The following PIEZO2 variants were observed in gnomAD, a reference collection of about 807,000 sequenced individuals.
PIEZO2 encodes the protein piezo-type mechanosensitive ion channel component 2.
Under a neutral mutation model 337.3 loss-of-function variants are expected in PIEZO2, and 172 were observed. The observed-to-expected ratio is 0.51, with a 90% CI of 0.45 to 0.58. The LOEUF (loss-of-function observed/expected upper bound fraction) is 0.58, where lower values mean the gene tolerates loss of function less well. Among genes scored for constraint, PIEZO2 ranks in the 20% least tolerant of loss-of-function variants. The pLI is 0.00. For synonymous variants in PIEZO2, 1,251 were observed against 1,228.5 expected, an observed-to-expected ratio of 1.02 and a Z score of -0.38; for missense variants, 3,028 against 3,391.3, an observed-to-expected ratio of 0.89 and a Z score of 2.66.
chr18:11,135,050 A>G (rs2040444082), intron 1 of PIEZO2, among the ~76,000 whole-genome samples: 1 of 152,214 alleles, frequency 6.6e-6, no homozygotes, highest in East Asian at 1.9e-4. Flanking sequence ...AAAAAAAAAA[A>G]AAATTTTTTT....
At chr18:10,725,010 T>C in intron 36 of PIEZO2, 4 of 1,588,036 alleles carry the variant, frequency 2.5e-6, no homozygotes, top group Non-Finnish European at 3.5e-6. Flanking sequence ...ATGCAGGCCA[T>C]AGTGCCAGCA....
At chr18:11,113,092 T>A (rs2039782747) in intron 1 of PIEZO2, among the ~76,000 whole-genome samples, 1 of 152,196 alleles carries the variant, frequency 6.6e-6, no homozygotes, top group South Asian at 2.1e-4. Flanking sequence ...ACCTTTGGTA[T>A]AAAGGGGCAA....
intron 1 of PIEZO2, among the ~76,000 whole-genome samples, chr18:11,142,254 G>A (rs1026600031): frequency 6.6e-6 from 1 of 152,150 alleles, no homozygotes; most frequent in Non-Finnish European, 1.5e-5. Flanking sequence ...AAAGCTATAC[G>A]TTGCTGTTAA....
rs749400682 is a variant in PIEZO2, at chr18:10,671,492, A to T, written c.*35T>A. 1.1e-5 allele frequency: 17 copies of T among 1,572,992 alleles called. No individual in the cohort carries two copies. Among genetic ancestry groups the T allele is most frequent in the Non-Finnish European group, 1.3e-5 (15 of 1,160,728 alleles). On this transcript the variant is annotated 3_prime_UTR_variant, in exon 56 of 56. Coordinates refer to ENST00000674853, the MANE Select transcript of PIEZO2 (RefSeq NM_001378183.1). ...TATTGTGCTTTTAAAAAAAATTCAAATGTTAACATTATTTGCAGTCTGTGT... is the reference window on the plus strand; with the variant it reads ...TATTGTGCTTTTAAAAAAAATTCAATTGTTAACATTATTTGCAGTCTGTGT...
chr18:10,817,283 T>C (rs2040391236), intron 7 of PIEZO2, among the ~76,000 whole-genome samples: 1 of 152,232 alleles, frequency 6.6e-6, no homozygotes, highest in Admixed American at 6.5e-5. Context: ...TTTTAGGTAA[T>C]ATCAAATACG....
At chr18:10,944,490 T>C (rs1348671026) in intron 3 of PIEZO2, among the ~76,000 whole-genome samples, 9 of 27,548 alleles carry the variant, frequency 3.3e-4, no homozygotes, top group African/African-American at 1.5e-3. Context: ...CTTAGTAACA[T>C]ATATATATAT....
At position 10,803,882 on chromosome 18, in the gene PIEZO2, T is replaced by A. The variant is rs1475316034; in HGVS notation, c.1193A>T (p.Glu398Val). 1.3e-6 allele frequency: 2 copies of A among 1,536,928 alleles called. No individual in the cohort carries two copies. The highest frequency in any genetic ancestry group is 2.0e-5 in the Admixed American group (1 of 50,902). ...LWYATHYPTDERKLLSMTQDD... is the reference protein window; with the variant it reads ...LWYATHYPTDVRKLLSMTQDD... ...CCTTTCATCATGGCTTACTTTTCTC[T>A]CATCAGTGGGGTAATGGGTTGCGTA... The change falls in exon 9 of 56, where the codon GAG becomes GTG. Residue 398 changes from glutamate to valine, a missense_variant. By Grantham distance (121) the Glu-to-Val change is moderately radical. Coordinates refer to ENST00000674853, the MANE Select transcript of PIEZO2 (RefSeq NM_001378183.1).
At chr18:11,072,380 A>G (rs1412931783) in intron 1 of PIEZO2, among the ~76,000 whole-genome samples, 1 of 151,662 alleles carries the variant, frequency 6.6e-6, no homozygotes, top group Non-Finnish European at 1.5e-5. Context: ...TGTAATAAAT[A>G]GAACATTTCT....
At chr18:10,998,555 T>C in intron 2 of PIEZO2, among the ~76,000 whole-genome samples, 1 of 152,150 alleles carries the variant, frequency 6.6e-6, no homozygotes, top group Non-Finnish European at 1.5e-5. Flanking sequence ...TAAATCTGAA[T>C]AATTCAAAGA....
chr18:10,790,866 G>C (rs1282056525), intron 14 of PIEZO2, among the ~76,000 whole-genome samples: 1 of 152,000 alleles, frequency 6.6e-6, no homozygotes, highest in African/African-American at 2.4e-5. Context: ...CACTACGCCC[G>C]GCTAGTTTTT....
Position 10,854,771 on chromosome 18 carries a change from C to G in PIEZO2, c.917+582G>C, listed in dbSNP as rs114677769. On this transcript the variant is annotated intron_variant, in intron 7 of 55. Transcript: ENST00000674853. This position sits in a 1 kb window ranked among gnomAD's most constrained non-coding sequence, Gnocchi z 4.6. Reference sequence around the variant, plus strand: ...CTCTGTCACCCAGGTGGGAGTGCAGCGGTGTGATCATGGCTCACCGCAGTC... The same window carrying G: ...CTCTGTCACCCAGGTGGGAGTGCAGGGGTGTGATCATGGCTCACCGCAGTC... Among the ~76,000 whole-genome samples the G allele has an allele frequency of 0.018, 2,726 of 152,162 alleles. 86 individuals carry two copies. The highest frequency in any genetic ancestry group is 0.063 in the African/African-American group (2,607 of 41,496).
intron 2 of PIEZO2, among the ~76,000 whole-genome samples, chr18:11,020,973 A>G (rs2145710829): frequency 6.6e-6 from 1 of 152,368 alleles, no homozygotes; most frequent in Non-Finnish European, 1.5e-5. Flanking sequence ...AGGTACAAAA[A>G]GCAGATGCAG....
intron 1 of PIEZO2, among the ~76,000 whole-genome samples, chr18:11,098,752 G>A (rs1015638363): frequency 1.3e-5 from 2 of 151,566 alleles, no homozygotes; most frequent in Non-Finnish European, 2.9e-5. Flanking sequence ...CAGTACATAC[G>A]TATGTATTGC....
rs116084057 is a variant in PIEZO2, at chr18:10,945,744, T to G, written c.286+33791A>C. Among the ~76,000 whole-genome samples, 1 of 152,142 alleles carries G rather than the reference T, an allele frequency of 6.6e-6. No individual in the cohort carries two copies. Among genetic ancestry groups the G allele is most frequent in the Non-Finnish European group, 1.5e-5 (1 of 68,042 alleles). On this transcript the variant is annotated intron_variant, in intron 3 of 55. Coordinates refer to ENST00000674853, the MANE Select transcript of PIEZO2 (RefSeq NM_001378183.1). This position sits in a 1 kb window ranked among gnomAD's most constrained non-coding sequence, Gnocchi z 4.0. ...CCAGAACTGCCAAAGGTGTTCAAAT[T>G]GGAAGGCAAGAAAATAAAAAGTTAT...
At chr18:10,926,405 G>T (rs1016836617) in intron 3 of PIEZO2, among the ~76,000 whole-genome samples, 1 of 152,152 alleles carries the variant, frequency 6.6e-6, no homozygotes, top group South Asian at 2.1e-4. Flanking sequence ...GCACTAGTGG[G>T]TGGAACATAT....
At position 10,863,495 on chromosome 18, in the gene PIEZO2, T is replaced by G. The variant is rs1451158378; in HGVS notation, c.493-6284A>C. On this transcript the variant is annotated intron_variant, in intron 5 of 55. Transcript: ENST00000674853. This position sits in a 1 kb window ranked among gnomAD's most constrained non-coding sequence, Gnocchi z 4.3. ...CTTTCAACCACCATCTACAAAGCAA[T>G]GAAAGTTTAATAAAGAACAGGGAAG... 2.0e-5 allele frequency among the ~76,000 whole-genome samples: 3 copies of G among 152,146 alleles called. No individual in the cohort carries two copies. Among genetic ancestry groups the G allele is most frequent in the African/African-American group, 7.2e-5 (3 of 41,420 alleles).
rs1270488499 is a variant in PIEZO2, at chr18:10,682,871, C to T, written c.7498-579G>A. 2.0e-5 allele frequency among the ~76,000 whole-genome samples: 3 copies of T among 152,230 alleles called. No homozygotes were observed. The highest frequency in any genetic ancestry group is 3.9e-4 in the East Asian group (2 of 5,168). On this transcript the variant is annotated intron_variant, in intron 49 of 55. Transcript: ENST00000674853. This position sits in a 1 kb window ranked among gnomAD's most constrained non-coding sequence, Gnocchi z 5.6. ...GTAGGGAGTGGGGAGAGGGCAGGTG[C>T]GTGTTGCAGGGGCTCACTCTCCTAC...
chr18:11,142,935 C>CA (rs2040697418), intron 1 of PIEZO2, among the ~76,000 whole-genome samples: 2 of 151,828 alleles, frequency 1.3e-5, no homozygotes, highest in Non-Finnish European at 2.9e-5. Context: ...AAAAATTAGC[C>CA]GGGTGTGGTG....
At chr18:11,108,382 G>A (rs2039631747) in intron 1 of PIEZO2, among the ~76,000 whole-genome samples, 1 of 152,020 alleles carries the variant, frequency 6.6e-6, no homozygotes, top group Non-Finnish European at 1.5e-5. Context: ...TTGGGAGGCC[G>A]AGGCGGGCAG....
Sources: allele counts gnomAD v4.1 joint callset (sites outside exome capture counted in the v4.1 genomes callset), GRCh38; gene constraint gnomAD v4.1.1; non-coding constraint Gnocchi (gnomAD v3.1); transcripts MANE v1.5; gene names NCBI Gene and HGNC (gene_info 2026-07-23, HGNC 2026-07-21).